Variants in PTPRD observed in about 807,000 individuals in gnomAD.
The protein encoded by PTPRD is protein tyrosine phosphatase receptor type D.
PTPRD carries 34 observed loss-of-function variants against 214.5 expected under a neutral mutation model. The ratio of observed to expected loss-of-function variants is 0.16; its 90% CI spans 0.12 to 0.21. The LOEUF is 0.21. Among genes scored for constraint, PTPRD ranks in the 10% least tolerant of loss-of-function variants. The pLI is 1.00. For synonymous variants in PTPRD, 1,128 were observed against 845.7 expected, an observed-to-expected ratio of 1.33 and a Z score of -5.79; for missense variants, 2,545 against 2,398.7, an observed-to-expected ratio of 1.06 and a Z score of -1.27.
At chr9:8,599,875 C>A (rs1382993338) in intron 14 of PTPRD, among the ~76,000 whole-genome samples, 2 of 152,110 alleles carry the variant, frequency 1.3e-5, no homozygotes, top group Non-Finnish European at 1.5e-5. Context: ...CCTCGGCCCC[C>A]CAAATTGCTG....
intron 7 of PTPRD, among the ~76,000 whole-genome samples, chr9:9,703,939 C>G (rs540991771): frequency 6.6e-6 from 1 of 152,250 alleles, no homozygotes; most frequent in African/African-American, 2.4e-5. Flanking sequence ...GGCTGGAGTG[C>G]AGTGGCATAA....
chr9:8,633,036 T>A (rs1290353896), intron 14 of PTPRD, among the ~76,000 whole-genome samples: 2 of 151,958 alleles, frequency 1.3e-5, no homozygotes, highest in Non-Finnish European at 2.9e-5. Flanking sequence ...ATATCCTGTT[T>A]CCTTTCTAGA....
intron 8 of PTPRD, among the ~76,000 whole-genome samples, chr9:9,463,934 C>A (rs1360239801): frequency 6.6e-6 from 1 of 152,164 alleles, no homozygotes; most frequent in Non-Finnish European, 1.5e-5. Flanking sequence ...GACAGTGAGA[C>A]ACCAGACCCC....
At chr9:8,362,977 G>A (rs2078878915) in intron 39 of PTPRD, among the ~76,000 whole-genome samples, 1 of 152,174 alleles carries the variant, frequency 6.6e-6, no homozygotes, top group African/African-American at 2.4e-5. Context: ...CCAGGAGCTT[G>A]ATTTATCAGT....
intron 39 of PTPRD, among the ~76,000 whole-genome samples, chr9:8,351,423 G>A (rs528290881): frequency 6.6e-6 from 1 of 151,140 alleles, no homozygotes; most frequent in Admixed American, 6.6e-5. Flanking sequence ...TTTTAACAAG[G>A]ATAACATAAT....
chr9:9,297,773 G>T (rs1953655080), intron 9 of PTPRD, among the ~76,000 whole-genome samples: 1 of 151,608 alleles, frequency 6.6e-6, no homozygotes, highest in East Asian at 1.9e-4. Context: ...ATTCAAGGTA[G>T]AAAGATGAGA....
At chr9:8,935,873 C>T (rs959604464) in intron 11 of PTPRD, among the ~76,000 whole-genome samples, 1 of 152,060 alleles carries the variant, frequency 6.6e-6, no homozygotes, top group African/African-American at 2.4e-5. Context: ...GTTACATCAC[C>T]AATTTGAAAA....
intron 7 of PTPRD, among the ~76,000 whole-genome samples, chr9:9,677,708 G>A (rs542805647): frequency 2.0e-5 from 3 of 152,154 alleles, no homozygotes; most frequent in South Asian, 2.1e-4. Flanking sequence ...AGTGTTGGAA[G>A]TTCTGGCCAG....
chr9:9,421,977 A>G (rs1464607506), intron 8 of PTPRD, among the ~76,000 whole-genome samples: 1 of 152,074 alleles, frequency 6.6e-6, no homozygotes, highest in Non-Finnish European at 1.5e-5. Context: ...ACTGTAAGTG[A>G]CACCAGTATT....
intron 3 of PTPRD, among the ~76,000 whole-genome samples, chr9:10,197,560 G>A (rs2099402966): frequency 1.3e-5 from 2 of 152,084 alleles, no homozygotes; most frequent in East Asian, 1.9e-4. Context: ...GAAATAAGAG[G>A]TACGTTTTGA....
chr9:10,174,422 G>A (rs2099233239), intron 3 of PTPRD, among the ~76,000 whole-genome samples: 1 of 152,080 alleles, frequency 6.6e-6, no homozygotes, highest in Non-Finnish European at 1.5e-5. Flanking sequence ...ATGAGTGGAA[G>A]GAAAATGAGG....
At chr9:9,347,511 T>C (rs374458108) in intron 9 of PTPRD, among the ~76,000 whole-genome samples, 19 of 152,204 alleles carry the variant, frequency 1.2e-4, no homozygotes, top group South Asian at 4.2e-4. Flanking sequence ...GCCCTTACTA[T>C]ATACAGGTGA....
At chr9:9,349,767 T>G (rs1432172461) in intron 9 of PTPRD, among the ~76,000 whole-genome samples, 2 of 152,000 alleles carry the variant, frequency 1.3e-5, no homozygotes, top group African/African-American at 4.8e-5. Context: ...GTTTTTTTTT[T>G]GTGCTATAAA....
At chr9:8,883,768 G>T (rs1566817553) in intron 11 of PTPRD, among the ~76,000 whole-genome samples, 1 of 152,094 alleles carries the variant, frequency 6.6e-6, no homozygotes, top group Non-Finnish European at 1.5e-5. Flanking sequence ...TGAATGCTTT[G>T]GTCCTAATCC....
chr9:9,242,491 G>A (rs1464176983), intron 9 of PTPRD, among the ~76,000 whole-genome samples: 13 of 152,208 alleles, frequency 8.5e-5, no homozygotes, highest in South Asian at 4.2e-4. Flanking sequence ...CCAATCAGAC[G>A]TAGATTTGGT....
intron 5 of PTPRD, among the ~76,000 whole-genome samples, chr9:9,859,637 A>G (rs2062276080): frequency 1.3e-5 from 2 of 152,234 alleles, no homozygotes; most frequent in African/African-American, 4.8e-5. Flanking sequence ...ATTTGTCAAT[A>G]GCTATAAATA....
chr9:10,013,024 G>A (rs1029080245), intron 4 of PTPRD, among the ~76,000 whole-genome samples: 12 of 151,786 alleles, frequency 7.9e-5, no homozygotes, highest in South Asian at 2.1e-4. Context: ...AAGCATATCC[G>A]CTAGAGAATA....
intron 9 of PTPRD, among the ~76,000 whole-genome samples, chr9:9,325,530 G>A (rs1347305077): frequency 1.3e-5 from 2 of 152,062 alleles, no homozygotes; most frequent in Non-Finnish European, 2.9e-5. Flanking sequence ...TGTTATTTTT[G>A]CACATTGATT....
At chr9:10,296,390 G>A (rs889596229) in intron 3 of PTPRD, among the ~76,000 whole-genome samples, 1 of 151,908 alleles carries the variant, frequency 6.6e-6, no homozygotes. Flanking sequence ...CTCTCAAAAA[G>A]CATCCAAGAA....
Sources: allele counts gnomAD v4.1 joint callset (sites outside exome capture counted in the v4.1 genomes callset), GRCh38; gene constraint gnomAD v4.1.1; transcripts MANE v1.5; gene names NCBI Gene and HGNC (gene_info 2026-07-23, HGNC 2026-07-21).